CCDC175: variants seen among roughly 807,000 people sequenced by gnomAD.
CCDC175 encodes coiled-coil domain-containing protein 175.
Under a neutral mutation model 114.6 loss-of-function variants are expected in CCDC175, and 100 were observed. The ratio of observed to expected loss-of-function variants is 0.87; its 90% CI spans 0.74 to 1.03. The LOEUF (loss-of-function observed/expected upper bound fraction) is 1.03, where lower values mean the gene tolerates loss of function less well. CCDC175 is among the 50% of genes least tolerant of loss of function. The pLI is 0.00. For synonymous variants in CCDC175, 306 were observed against 308.7 expected (o/e 0.99, Z 0.09); for missense variants, 880 against 917.8 (o/e 0.96, Z 0.53).
intron 13 of CCDC175, 68 bp from the exon 14 acceptor site, chr14:59,531,978 A>C: frequency 2.5e-6 from 2 of 796,810 alleles, no homozygotes; most frequent in Non-Finnish European, 3.8e-6. Flanking sequence ...TTAAAGTAGA[A>C]TATAAGTTTT....
At chr14:59,563,325 G>T (rs936379437) in intron 6 of CCDC175, among the ~76,000 whole-genome samples, 1 of 152,024 alleles carries the variant, frequency 6.6e-6, no homozygotes, top group African/African-American at 2.4e-5. Context: ...ACATATTAAT[G>T]TTGCTGTACT....
rs955530077 is a variant in CCDC175 at position 59,525,556 on chromosome 14, G to A, written c.1843-122C>T. The A allele has an allele frequency of 1.1e-5, 7 of 652,268 alleles. No homozygotes were observed. The African/African-American group carries it at 1.3e-4, about 13-fold the overall frequency. 40.4% of individuals were successfully genotyped at this position (652,268 alleles called of 1,614,324 possible). A position where few individuals can be genotyped will look rare whatever the true frequency, so the allele number is the denominator to read the frequency against. Reference sequence around the variant, plus strand: ...TTAATTTCTGAAGTATCCAGCAGAGGATAGATATTCTTCCTTAGAAAAACC... The same window carrying A: ...TTAATTTCTGAAGTATCCAGCAGAGAATAGATATTCTTCCTTAGAAAAACC... On this transcript the variant is annotated intron_variant, in intron 15 of 19. Transcript: ENST00000537690.
At chr14:59,518,597 G>A (rs1341424009) in intron 17 of CCDC175, among the ~76,000 whole-genome samples, 3 of 152,164 alleles carry the variant, frequency 2.0e-5, no homozygotes, top group Admixed American at 1.3e-4. Flanking sequence ...TCAGAGAAAT[G>A]CAAATCAAAA....
intron 3 of CCDC175, among the ~76,000 whole-genome samples, chr14:59,569,071 G>A (rs1896713601): frequency 1.3e-5 from 2 of 152,224 alleles, no homozygotes; most frequent in African/African-American, 4.8e-5. Context: ...ATAAGTCAGT[G>A]TAATCACGTA....
rs1355461461 is a variant in CCDC175, at chr14:59,540,684, CT to C, written c.1345del (p.Ser449ValfsTer6). On this transcript the variant is annotated frameshift_variant, in exon 11 of 20. Coordinates refer to ENST00000537690, the MANE Select transcript of CCDC175 (RefSeq NM_001164399.2). LOFTEE classifies it high-confidence loss of function. ...KILSANLERE[S>X]QRCVITQWKM... ...TTTTTTTTTTTTTTACCATCTCTGACTTTCTCTTTCCAGGTTAGCACTCAGG... is the reference window on the plus strand; with the variant it reads ...TTTTTTTTTTTTTTACCATCTCTGACTTCTCTTTCCAGGTTAGCACTCAGG... The C allele has an allele frequency of 1.5e-6, 1 of 673,352 alleles. No individual in the cohort carries two copies. The highest frequency in any genetic ancestry group is 4.5e-5 in the East Asian group (1 of 22,458). 41.7% of individuals were successfully genotyped at this position (673,352 alleles called of 1,614,324 possible).
chr14:59,540,813 C>A, intron 10 of CCDC175, 67 bp from the exon 11 acceptor site: 1 of 1,300,304 alleles, frequency 7.7e-7, no homozygotes, highest in Non-Finnish European at 1.1e-6. Context: ...AGACTCTATA[C>A]GCATAATTTG....
In CCDC175 at chr14:59,565,194, G is replaced by C. The variant is rs1432109057; in HGVS notation, c.573C>G (p.Thr191=). The C allele has an allele frequency of 6.5e-7, 1 of 1,537,794 alleles. No individual in the cohort carries two copies. Among genetic ancestry groups the C allele is most frequent in the African/African-American group, 1.4e-5 (1 of 73,134 alleles). The change falls in exon 5 of 20, where the codon ACC becomes ACG. Residue 191 remains threonine (T), a synonymous_variant. Transcript: ENST00000537690. ...TATAAGTCTCATTTATGTAAACAGTGGTGGTGGCTTTTTTCTCCATAGTTT... is the reference window on the plus strand; with the variant it reads ...TATAAGTCTCATTTATGTAAACAGTCGTGGTGGCTTTTTTCTCCATAGTTT... ...LNQTMEKKAT[T]TVYINETYTK...
intron 7 of CCDC175, among the ~76,000 whole-genome samples, chr14:59,558,926 C>A (rs1896073244): frequency 6.6e-6 from 1 of 152,004 alleles, no homozygotes; most frequent in Admixed American, 6.6e-5. Flanking sequence ...AAGCAGCAGC[C>A]AGTGTGATCA....
intron 13 of CCDC175, among the ~76,000 whole-genome samples, chr14:59,534,011 C>T (rs1299732975): frequency 3.2e-5 from 4 of 125,254 alleles, no homozygotes; most frequent in Admixed American, 7.8e-5. Flanking sequence ...AAAAAAGAAA[C>T]GCAATCCTGT....
At chr14:59,529,645 G>C (rs969334556) in intron 14 of CCDC175, among the ~76,000 whole-genome samples, 9 of 151,914 alleles carry the variant, frequency 5.9e-5, no homozygotes, top group African/African-American at 1.9e-4. Flanking sequence ...ATATTATCAG[G>C]TAATAAATAA....
Position 59,545,182 on chromosome 14 carries a change from T to A in CCDC175, c.1153A>T (p.Lys385Ter), listed in dbSNP as rs772866828. Residue 385 changes from lysine (K) to a stop codon, truncating the protein, a stop_gained, in exon 9 of 20, where the codon AAA becomes TAA. Transcript: ENST00000537690. LOFTEE classifies it high-confidence loss of function. ...LSEEEKAFLQ[K>*]QKIHDENQKQ... ...ACATACTCATCATGAATCTTTTGTT[T>A]TTGCAAAAAAGCTTTTTCTTCCTCA... 181 of 1,536,762 alleles carry A rather than the reference T, an allele frequency of 1.2e-4. 1 individual carries two copies. Among genetic ancestry groups the A allele is most frequent in the Non-Finnish European group, 1.5e-4 (177 of 1,146,744 alleles).
intron 16 of CCDC175, among the ~76,000 whole-genome samples, chr14:59,523,953 C>A (rs1057319288): frequency 1.3e-4 from 20 of 151,678 alleles, no homozygotes; most frequent in Non-Finnish European, 2.9e-5. Flanking sequence ...CGTGCCACTG[C>A]ACTCCAGCCT....
Position 59,531,737 on chromosome 14 carries a change from G to C in CCDC175, c.1762+35C>G, listed in dbSNP as rs372356293. 1.6e-4 allele frequency: 221 copies of C among 1,403,732 alleles called. 4 individuals carry two copies. The African/African-American group carries it at 2.2e-3, about 14-fold the overall frequency. The allele number at this position is 1,403,732 out of a possible 1,614,324, so 87.0% of individuals were successfully genotyped here. On this transcript the variant is annotated intron_variant, in intron 14 of 19. Transcript: ENST00000537690. ...AAGATGACAGTGAAATCCTTACCTG[G>C]GATTGAGTTTAATTACTAAATGCTT... is the stretch of plus-strand genomic sequence containing the variant.
At chr14:59,524,731 T>A (rs1181095455) in intron 16 of CCDC175, among the ~76,000 whole-genome samples, 1 of 152,168 alleles carries the variant, frequency 6.6e-6, no homozygotes, top group Admixed American at 6.5e-5. Flanking sequence ...AACAGAAATA[T>A]GTATGTATGT....
intron 13 of CCDC175, among the ~76,000 whole-genome samples, chr14:59,533,098 A>G (rs1315042358): frequency 6.6e-6 from 1 of 152,194 alleles, no homozygotes; most frequent in Non-Finnish European, 1.5e-5. Flanking sequence ...CCAAAGTGAT[A>G]CTTCAGATGC....
intron 15 of CCDC175, 121 bp from the exon 16 acceptor site, chr14:59,525,555 G>T: frequency 1.5e-6 from 1 of 653,526 alleles, no homozygotes; most frequent in Non-Finnish European, 2.4e-6. Flanking sequence ...ATCCAGCAGA[G>T]GATAGATATT....
chr14:59,554,067 C>G (rs1287772733), intron 7 of CCDC175, among the ~76,000 whole-genome samples: 1 of 152,000 alleles, frequency 6.6e-6, no homozygotes, highest in Admixed American at 6.6e-5. Flanking sequence ...GAGACAGAAA[C>G]TTAACAAGGA....
Position 59,525,385 on chromosome 14 carries a change from T to C in CCDC175, c.1892A>G (p.Lys631Arg). The C allele has an allele frequency of 6.6e-7, 1 of 1,521,836 alleles. No individual in the cohort carries two copies. The allele number at this position is 1,521,836 out of a possible 1,614,324, so 94.3% of individuals were successfully genotyped here. A position where few individuals can be genotyped will look rare whatever the true frequency, so the allele number is the denominator to read the frequency against. ...LQQLRDQESK[K>R]NKDHFETLKN... ...TAGAGTTTCAAAATGATCTTTGTTT[T>C]TTTTGCTTTCTTGATCTCGTAATTG... The change falls in exon 16 of 20, where the codon AAA becomes AGA. Residue 631 changes from lysine (K) to arginine (R), a missense_variant. Coordinates refer to ENST00000537690, the MANE Select transcript of CCDC175 (RefSeq NM_001164399.2).
intron 11 of CCDC175, 57 bp from the exon 12 acceptor site, chr14:59,538,897 G>C: frequency 6.8e-7 from 1 of 1,462,256 alleles, no homozygotes; most frequent in Non-Finnish European, 9.1e-7. Flanking sequence ...TTACTAAAAA[G>C]ATGAAGAAAT....
Sources: allele counts gnomAD v4.1 joint callset (sites outside exome capture counted in the v4.1 genomes callset), GRCh38; gene constraint gnomAD v4.1.1; transcripts MANE v1.5; gene names NCBI Gene and HGNC (gene_info 2026-07-23, HGNC 2026-07-21).